Variants in AGAP1 observed in about 807,000 individuals in gnomAD.
The protein encoded by AGAP1 is ArfGAP with GTPase domain, ankyrin repeat and PH domain 1, also known as arf-GAP with GTPase, ANK repeat and PH domain-containing protein 1.
AGAP1 carries 29 observed loss-of-function variants against 105.3 expected under a neutral mutation model. The ratio of observed to expected loss-of-function variants is 0.28; its 90% CI spans 0.21 to 0.38. AGAP1 has a LOEUF of 0.38. Among genes scored for constraint, AGAP1 ranks in the 10% least tolerant of loss-of-function variants. The pLI is 1.00. For synonymous variants in AGAP1, 509 were observed against 485.9 expected, an observed-to-expected ratio of 1.05 and a Z score of -0.63; for missense variants, 998 against 1,165.1, an observed-to-expected ratio of 0.86 and a Z score of 2.09.
chr2:236,102,397 G>A (rs1413910599), intron 16 of AGAP1, among the ~76,000 whole-genome samples: 35 of 133,732 alleles, frequency 2.6e-4, no homozygotes, highest in African/African-American at 9.0e-4. Flanking sequence ...CAGCCTGGGC[G>A]ACAGAGCGAG....
At chr2:236,011,125 C>T (rs892039493) in intron 13 of AGAP1, among the ~76,000 whole-genome samples, 2 of 152,190 alleles carry the variant, frequency 1.3e-5, no homozygotes, top group East Asian at 1.9e-4. Context: ...TCCCAGCAGT[C>T]GGTGGTGATT....
chr2:235,769,149 C>T lies in AGAP1; in HGVS notation c.673+18661C>T, dbSNP rs73996363. Among the ~76,000 whole-genome samples the T allele has an allele frequency of 4.9e-3, 740 of 152,182 alleles. 7 individuals are homozygous for T. Among genetic ancestry groups the T allele is most frequent in the African/African-American group, 0.017 (718 of 41,518 alleles). ...TTCCCTCTTCTGGGTTCTTAGTGCCCGTCCCCCGTAGCTCCGTCACACAGT... is the reference window on the plus strand; with the variant it reads ...TTCCCTCTTCTGGGTTCTTAGTGCCTGTCCCCCGTAGCTCCGTCACACAGT... On this transcript the variant is annotated intron_variant, in intron 6 of 17. Coordinates refer to ENST00000304032, the MANE Select transcript of AGAP1 (RefSeq NM_001037131.3). The surrounding 1 kb of genome is among the most constrained non-coding windows in gnomAD (Gnocchi z 4.4).
At chr2:235,641,373 T>A (rs764832335) in intron 1 of AGAP1, among the ~76,000 whole-genome samples, 11 of 150,692 alleles carry the variant, frequency 7.3e-5, no homozygotes, top group Non-Finnish European at 1.5e-4. Flanking sequence ...TTTTTAAGTG[T>A]CCTGGTTGTG....
chr2:235,536,627 TCACACACACACACACACACACACACACA>T (rs370173877), intron 1 of AGAP1, among the ~76,000 whole-genome samples: 1 of 108,242 alleles, frequency 9.2e-6, no homozygotes, highest in African/African-American at 3.7e-5. Flanking sequence ...GTCGCATCCT[TCACACACACACACACACACACACACACA>T]CACACACACA....
rs369935035 is a variant in AGAP1 at position 235,631,837 on chromosome 2, G to A, written c.164-77342G>A. 1.3e-5 allele frequency among the ~76,000 whole-genome samples: 2 copies of A among 152,330 alleles called. No individual in the cohort carries two copies. The highest frequency in any genetic ancestry group is 4.8e-5 in the African/African-American group (2 of 41,590). ...GTGGCCCTTCCTGCTGTCAGGTGTG[G>A]CCACTCTCGTGAGATGCAACTGGAG... On this transcript the variant is annotated intron_variant, in intron 1 of 17. Coordinates refer to ENST00000304032, the MANE Select transcript of AGAP1 (RefSeq NM_001037131.3). The surrounding 1 kb of genome is among the most constrained non-coding windows in gnomAD (Gnocchi z 5.4).
intron 6 of AGAP1, among the ~76,000 whole-genome samples, chr2:235,764,048 C>T (rs58304060): frequency 1.3e-4 from 14 of 105,552 alleles, no homozygotes; most frequent in Admixed American, 4.4e-4. Flanking sequence ...TGCGTGGCTC[C>T]GGCCCGTGTG....
At chr2:235,803,417 G>C (rs1957682199) in intron 8 of AGAP1, among the ~76,000 whole-genome samples, 1 of 152,154 alleles carries the variant, frequency 6.6e-6, no homozygotes, top group South Asian at 2.1e-4. Context: ...GGCAGTTGTT[G>C]GTGATTATAG....
chr2:235,508,276 A>G (rs531056537), intron 1 of AGAP1, among the ~76,000 whole-genome samples: 7 of 152,230 alleles, frequency 4.6e-5, no homozygotes, highest in South Asian at 2.1e-4. Flanking sequence ...TATAGACACA[A>G]TAGAACAATT....
chr2:235,742,064 T>A (rs1384688422), intron 4 of AGAP1, among the ~76,000 whole-genome samples: 1 of 152,198 alleles, frequency 6.6e-6, no homozygotes, highest in Non-Finnish European at 1.5e-5. Flanking sequence ...ATTTAAACAC[T>A]TCAAAGGAGC....
At chr2:235,848,872 G>A (rs1219025286) in intron 9 of AGAP1, among the ~76,000 whole-genome samples, 1 of 152,146 alleles carries the variant, frequency 6.6e-6, no homozygotes, top group Non-Finnish European at 1.5e-5. Flanking sequence ...AATTGTATTC[G>A]GGGCTGCTTT....
At chr2:235,968,895 C>T (rs2054522757) in intron 13 of AGAP1, among the ~76,000 whole-genome samples, 1 of 152,146 alleles carries the variant, frequency 6.6e-6, no homozygotes, top group South Asian at 2.1e-4. Flanking sequence ...AGCCACCAGC[C>T]TGATCCAGTT....
chr2:235,941,830 G>A (rs1180951002), intron 12 of AGAP1, among the ~76,000 whole-genome samples: 2 of 125,652 alleles, frequency 1.6e-5, no homozygotes, highest in Admixed American at 7.7e-5. Flanking sequence ...GGGTGTGTGC[G>A]GCTATGGAGC....
intron 1 of AGAP1, among the ~76,000 whole-genome samples, chr2:235,604,117 G>C (rs1200123037): frequency 6.6e-6 from 1 of 151,440 alleles, no homozygotes; most frequent in African/African-American, 2.4e-5. Flanking sequence ...AATTCAGGCT[G>C]GTTTCAGAAC....
chr2:235,895,609 T>G (rs1470952162), intron 10 of AGAP1, among the ~76,000 whole-genome samples: 1 of 152,186 alleles, frequency 6.6e-6, no homozygotes, highest in Non-Finnish European at 1.5e-5. Context: ...TATTGGGCCA[T>G]CTCTCTGATT....
intron 9 of AGAP1, among the ~76,000 whole-genome samples, chr2:235,850,533 G>A (rs983838601): frequency 2.0e-5 from 3 of 152,230 alleles, no homozygotes; most frequent in Non-Finnish European, 4.4e-5. Context: ...AAGTCGCTCT[G>A]AGCAGCTCTG....
chr2:235,702,934 G>GTTTTTTTTTTTTTTTTTTTTTT (rs549844265), intron 1 of AGAP1, among the ~76,000 whole-genome samples: 3,515 of 88,556 alleles, frequency 0.04, 795 homozygotes, highest in South Asian at 0.077. Flanking sequence ...AGTTTTCTTG[G>GTTTTTTTTTTTTTTTTTTTTTT]TTTTTTTTTT....
intron 1 of AGAP1, among the ~76,000 whole-genome samples, chr2:235,558,320 A>T (rs1371955544): frequency 6.6e-6 from 1 of 152,046 alleles, no homozygotes; most frequent in Non-Finnish European, 1.5e-5. Context: ...TCTGTCCCTG[A>T]CAGGCTTCTG....
At chr2:236,116,357 C>T (rs371171491) in intron 16 of AGAP1, among the ~76,000 whole-genome samples, 51 of 129,102 alleles carry the variant, frequency 4.0e-4, no homozygotes, top group South Asian at 7.8e-4. Flanking sequence ...TAATTAAGTT[C>T]TTTTTTTTTT....
intron 1 of AGAP1, among the ~76,000 whole-genome samples, chr2:235,605,021 G>A (rs1945880417): frequency 2.0e-5 from 3 of 151,972 alleles, no homozygotes; most frequent in South Asian, 2.1e-4. Flanking sequence ...GCTGGCCACA[G>A]GCGTGCATCA....
Sources: allele counts gnomAD v4.1 joint callset (sites outside exome capture counted in the v4.1 genomes callset), GRCh38; gene constraint gnomAD v4.1.1; non-coding constraint Gnocchi (gnomAD v3.1); transcripts MANE v1.5; gene names NCBI Gene and HGNC (gene_info 2026-07-23, HGNC 2026-07-21).